TNFSF4: variants seen among roughly 807,000 people sequenced by gnomAD.
The protein encoded by TNFSF4 is TNF superfamily member 4, also known as tumor necrosis factor ligand superfamily member 4.
In TNFSF4, 4 loss-of-function variants were observed where a neutral mutation model predicts 7.3. The ratio of observed to expected loss-of-function variants is 0.55; its 90% CI spans 0.27 to 1.25. The LOEUF is 1.25. Among genes scored for constraint, TNFSF4 ranks in the 50% most tolerant of loss-of-function variants. The pLI, the probability that TNFSF4 is intolerant of heterozygous loss-of-function variation, is 0.12. For missense variants in TNFSF4, 181 were observed against 208.8 expected (o/e 0.87, Z 0.82); for synonymous variants, 76 against 83.7 (o/e 0.91, Z 0.50).
At chr1:173,205,342 C>T (rs757332690) in intron 1 of TNFSF4, 1 of 1,612,064 alleles carries the variant, frequency 6.2e-7, no homozygotes, top group Non-Finnish European at 8.5e-7. Flanking sequence ...AACCAGCACC[C>T]TGCTTTTCTT....
chr1:173,284,390 A>G, the TNFSF4 span, among the ~76,000 whole-genome samples: 29 of 152,232 alleles, frequency 1.9e-4, no homozygotes, highest in Non-Finnish European at 3.2e-4. Context: ...ATATAAGTGC[A>G]AGGTAAAGCA....
chr1:173,180,127 A>G (rs545441053), downstream of TNFSF4, among the ~76,000 whole-genome samples: 1 of 152,284 alleles, frequency 6.6e-6, no homozygotes, highest in South Asian at 2.1e-4. Flanking sequence ...AAATAACAAT[A>G]CTTTTGAATG....
chr1:173,293,016 T>G, the TNFSF4 span, among the ~76,000 whole-genome samples: 86 of 152,194 alleles, frequency 5.7e-4, no homozygotes, highest in Admixed American at 1.9e-3. Context: ...GGAGAAATAT[T>G]CCATGCTCAT....
chr1:173,314,911 G>A, the TNFSF4 span, among the ~76,000 whole-genome samples: 23 of 152,122 alleles, frequency 1.5e-4, no homozygotes, highest in African/African-American at 4.6e-4. Context: ...CCATAGCACC[G>A]AACATTAGCT....
At chr1:173,352,907 T>G in the TNFSF4 span, among the ~76,000 whole-genome samples, 3 of 152,208 alleles carry the variant, frequency 2.0e-5, no homozygotes, top group Admixed American at 2.0e-4. Context: ...TTCCCAAGGC[T>G]GTTAATTATT....
chr1:173,308,423 A>C, the TNFSF4 span, among the ~76,000 whole-genome samples: 1 of 151,546 alleles, frequency 6.6e-6, no homozygotes, highest in Non-Finnish European at 1.5e-5. Flanking sequence ...TCACATGTAG[A>C]TCTATAATCT....
chr1:173,335,076 G>A, the TNFSF4 span, among the ~76,000 whole-genome samples: 2 of 152,124 alleles, frequency 1.3e-5, no homozygotes, highest in Non-Finnish European at 2.9e-5. Context: ...AGCTCACTAA[G>A]CAGAGATTCT....
the TNFSF4 span, among the ~76,000 whole-genome samples, chr1:173,401,447 G>A: frequency 6.6e-6 from 1 of 152,154 alleles, no homozygotes; most frequent in Non-Finnish European, 1.5e-5. Context: ...TGGGTGTTTG[G>A]ATCTACAGAC....
the TNFSF4 span, among the ~76,000 whole-genome samples, chr1:173,281,647 T>C: frequency 2.6e-5 from 4 of 152,214 alleles, no homozygotes; most frequent in Non-Finnish European, 1.5e-5. Flanking sequence ...GATATTTTTC[T>C]AATGGCTCAA....
At chr1:173,421,166 A>G in the TNFSF4 span, among the ~76,000 whole-genome samples, 52 of 152,364 alleles carry the variant, frequency 3.4e-4, no homozygotes, top group Non-Finnish European at 5.7e-4. Context: ...TGAATTTCAG[A>G]TAAACAACAA....
At chr1:173,336,585 T>C in the TNFSF4 span, among the ~76,000 whole-genome samples, 3 of 152,128 alleles carry the variant, frequency 2.0e-5, no homozygotes, top group African/African-American at 7.2e-5. Flanking sequence ...GTATAACAAC[T>C]CTCTCTGGCC....
intron 1 of TNFSF4, among the ~76,000 whole-genome samples, chr1:173,192,202 A>G (rs923924152): frequency 6.6e-6 from 1 of 152,162 alleles, no homozygotes; most frequent in Admixed American, 6.5e-5. Context: ...CAAGGCCTAA[A>G]TCAAATCCTT....
chr1:173,437,916 T>TAA, the TNFSF4 span, among the ~76,000 whole-genome samples: 2 of 89,772 alleles, frequency 2.2e-5, no homozygotes, highest in Non-Finnish European at 6.1e-5. Flanking sequence ...ACTCAGAACA[T>TAA]AAAAGAAAAA....
chr1:173,376,395 C>T, the TNFSF4 span, among the ~76,000 whole-genome samples: 571 of 152,214 alleles, frequency 3.8e-3, 5 homozygotes, highest in African/African-American at 0.012. Context: ...ACAATGAGAA[C>T]ACATGGACAC....
rs1256445646 is a variant in TNFSF4 at position 173,185,937 on chromosome 1, C to G, written c.*579G>C. On this transcript the variant is annotated 3_prime_UTR_variant, in exon 3 of 3. Transcript: ENST00000281834. ...GCTCTCTTCAAGTCCTGATTTTTCACAAGCTGATTCTTCTTTTGAACCCCC... is the reference window on the plus strand; with the variant it reads ...GCTCTCTTCAAGTCCTGATTTTTCAGAAGCTGATTCTTCTTTTGAACCCCC... The G allele has an allele frequency of 6.6e-6, 1 of 152,256 alleles. No homozygotes were observed. The highest frequency in any genetic ancestry group is 2.4e-5 in the African/African-American group (1 of 41,438). The allele number at this position is 152,256 out of a possible 1,614,324, so 9.4% of individuals were successfully genotyped here.
At chr1:173,405,607 T>G in the TNFSF4 span, among the ~76,000 whole-genome samples, 1 of 152,216 alleles carries the variant, frequency 6.6e-6, no homozygotes, top group East Asian at 1.9e-4. Context: ...ATTAATGTGT[T>G]TGCCAGGTAC....
the TNFSF4 span, among the ~76,000 whole-genome samples, chr1:173,377,335 G>T: frequency 3.9e-5 from 6 of 152,164 alleles, no homozygotes; most frequent in Non-Finnish European, 7.3e-5. Flanking sequence ...AAACACGAGC[G>T]TCAGGCTTTC....
At chr1:173,262,598 C>CTTT in the TNFSF4 span, among the ~76,000 whole-genome samples, 309 of 105,020 alleles carry the variant, frequency 2.9e-3, 1 homozygote, top group Non-Finnish European at 4.2e-3. Flanking sequence ...CCAAAAGATT[C>CTTT]TTTTTTTTTT....
At chr1:173,350,623 C>T in the TNFSF4 span, among the ~76,000 whole-genome samples, 2 of 152,120 alleles carry the variant, frequency 1.3e-5, no homozygotes, top group African/African-American at 4.8e-5. Context: ...TTGCTGTGGG[C>T]CTAGGAGACC....
Sources: gnomAD v4.1 joint callset for allele counts (sites outside exome capture counted in the v4.1 genomes callset) on GRCh38, gnomAD v4.1.1 for gene constraint, MANE v1.5 for transcripts, NCBI Gene and HGNC (gene_info 2026-07-23, HGNC 2026-07-21) for gene names.